GRB2: variants seen among roughly 807,000 people sequenced by gnomAD.
GRB2 encodes the protein growth factor receptor-bound protein 2.
Under a neutral mutation model 27.4 loss-of-function variants are expected in GRB2, and 2 were observed. The observed-to-expected ratio is 0.07, with a 90% CI of 0.03 to 0.23. The LOEUF (loss-of-function observed/expected upper bound fraction) is 0.23, where lower values mean the gene tolerates loss of function less well. Ranked by LOEUF, GRB2 falls within the 10% of genes least tolerant of loss-of-function variation. GRB2 has a pLI of 1.00. For missense variants in GRB2, 102 were observed against 282.4 expected, an observed-to-expected ratio of 0.36 and a Z score of 4.58; for synonymous variants, 94 against 99.6, an observed-to-expected ratio of 0.94 and a Z score of 0.33.
At chr17:75,389,946 A>C (rs1242879177) in intron 2 of GRB2, among the ~76,000 whole-genome samples, 1 of 152,178 alleles carries the variant, frequency 6.6e-6, no homozygotes, top group African/African-American at 2.4e-5. Context: ...ATTAATCTCA[A>C]TTCTCTTACT....
At chr17:75,402,236 T>C (rs767234068) in intron 1 of GRB2, among the ~76,000 whole-genome samples, 11 of 152,202 alleles carry the variant, frequency 7.2e-5, no homozygotes, top group Non-Finnish European at 1.2e-4. Flanking sequence ...ACTGGAAGTA[T>C]AGTTTTTACT....
chr17:75,333,993 T>C (rs567908365), intron 2 of GRB2, among the ~76,000 whole-genome samples: 1 of 152,310 alleles, frequency 6.6e-6, no homozygotes, highest in South Asian at 2.1e-4. Context: ...AGGCCATGCA[T>C]AGGCTAGGCC....
intron 2 of GRB2, among the ~76,000 whole-genome samples, chr17:75,345,707 AC>A (rs1414839725): frequency 6.6e-6 from 1 of 150,664 alleles, no homozygotes; most frequent in Non-Finnish European, 1.5e-5. Context: ...CCCCACCCCC[AC>A]CCCCACCCCC....
intron 2 of GRB2, among the ~76,000 whole-genome samples, chr17:75,366,334 T>C (rs1171813590): frequency 1.3e-5 from 2 of 152,206 alleles, no homozygotes; most frequent in East Asian, 3.9e-4. Flanking sequence ...CTTAACACAA[T>C]GGGAAAATGT....
At chr17:75,377,749 G>T (rs1598247422) in intron 2 of GRB2, among the ~76,000 whole-genome samples, 1 of 150,674 alleles carries the variant, frequency 6.6e-6, no homozygotes, top group Non-Finnish European at 1.5e-5. Flanking sequence ...TCTACTAAAA[G>T]TACAAAAATT....
At chr17:75,374,246 A>C (rs1209175094) in intron 2 of GRB2, among the ~76,000 whole-genome samples, 10 of 151,676 alleles carry the variant, frequency 6.6e-5, no homozygotes, top group African/African-American at 2.4e-4. Flanking sequence ...TCTACTAAAA[A>C]TACAAAAATT....
intron 1 of GRB2, among the ~76,000 whole-genome samples, chr17:75,402,970 G>A (rs1598260514): frequency 6.8e-6 from 1 of 146,102 alleles, no homozygotes; most frequent in African/African-American, 2.5e-5. Context: ...AGCTACTAGC[G>A]AGGCTGAGGC....
chr17:75,385,493 T>C (rs370659861), intron 2 of GRB2, among the ~76,000 whole-genome samples: 2 of 152,226 alleles, frequency 1.3e-5, no homozygotes. Context: ...GCTGAGATTG[T>C]GCCATTGCAC....
At chr17:75,357,373 TTAA>T (rs1299887941) in intron 2 of GRB2, among the ~76,000 whole-genome samples, 7 of 152,200 alleles carry the variant, frequency 4.6e-5, no homozygotes, top group Non-Finnish European at 1.0e-4. Context: ...TGAACTTTAG[TTAA>T]TAATAACGTA....
intron 2 of GRB2, among the ~76,000 whole-genome samples, chr17:75,360,232 C>T (rs992056174): frequency 6.7e-6 from 1 of 148,556 alleles, no homozygotes; most frequent in Admixed American, 6.6e-5. Flanking sequence ...TAAACAAATG[C>T]ATCAATAACT....
chr17:75,339,948 A>C (rs186799750), intron 2 of GRB2, among the ~76,000 whole-genome samples: 2 of 152,320 alleles, frequency 1.3e-5, no homozygotes. Context: ...AATTTTCTAT[A>C]CAAATTATAG....
chr17:75,365,123 C>T (rs2078810989), intron 2 of GRB2, among the ~76,000 whole-genome samples: 1 of 152,046 alleles, frequency 6.6e-6, no homozygotes, highest in Non-Finnish European at 1.5e-5. Context: ...CAAATGATTG[C>T]TATAATGAGA....
intron 1 of GRB2, among the ~76,000 whole-genome samples, chr17:75,399,822 A>G (rs1374448286): frequency 3.3e-5 from 5 of 150,690 alleles, no homozygotes; most frequent in Non-Finnish European, 5.9e-5. Context: ...GGTGCCCACC[A>G]CCACACCCGG....
At chr17:75,359,640 T>C (rs1364620606) in intron 2 of GRB2, among the ~76,000 whole-genome samples, 2 of 152,156 alleles carry the variant, frequency 1.3e-5, no homozygotes, top group East Asian at 3.8e-4. Flanking sequence ...TGTCATCTCC[T>C]GCCTTCCTGC....
intron 2 of GRB2, among the ~76,000 whole-genome samples, chr17:75,374,163 T>C (rs140975163): frequency 0.054 from 8,145 of 151,504 alleles, 264 homozygotes; most frequent in Middle Eastern, 0.13. Flanking sequence ...CCTAGCACTT[T>C]GGGAGGCCGA....
chr17:75,325,629 C>T (rs2078494076), intron 4 of GRB2, among the ~76,000 whole-genome samples: 1 of 152,234 alleles, frequency 6.6e-6, no homozygotes, highest in Non-Finnish European at 1.5e-5. Flanking sequence ...CTCAGGAGTG[C>T]TGGGCACTAG....
intron 1 of GRB2, chr17:75,394,205 TC>T (rs1567876958): frequency 1.3e-5 from 2 of 154,668 alleles, no homozygotes; most frequent in African/African-American, 4.8e-5. Flanking sequence ...CCCACCGCCA[TC>T]CTTTCTGGTC....
chr17:75,321,070 T>C (rs897641636), intron 5 of GRB2, among the ~76,000 whole-genome samples: 3 of 152,020 alleles, frequency 2.0e-5, no homozygotes. Context: ...GACAGGATCT[T>C]TGGGTGGGTG....
intron 2 of GRB2, among the ~76,000 whole-genome samples, chr17:75,335,387 T>C (rs2078570211): frequency 6.6e-6 from 1 of 152,294 alleles, no homozygotes; most frequent in African/African-American, 2.4e-5. Context: ...TACAAAATGA[T>C]TTATTCAAGA....
Sources: gnomAD v4.1 joint callset for allele counts (sites outside exome capture counted in the v4.1 genomes callset) on GRCh38, gnomAD v4.1.1 for gene constraint, MANE v1.5 for transcripts, NCBI Gene and HGNC (gene_info 2026-07-23, HGNC 2026-07-21) for gene names.